TFB1M: variants seen among roughly 807,000 people sequenced by gnomAD.
The protein encoded by TFB1M is transcription factor B1, mitochondrial, also known as dimethyladenosine transferase 1, mitochondrial.
In TFB1M, 27 loss-of-function variants were observed where a neutral mutation model predicts 31.1. The observed-to-expected ratio is 0.87, with a 90% CI of 0.64 to 1.20. The LOEUF is 1.20. Among genes scored for constraint, TFB1M ranks in the 50% most tolerant of loss-of-function variants. The pLI is 0.00. For missense variants in TFB1M, 394 were observed against 418.7 expected, an observed-to-expected ratio of 0.94 and a Z score of 0.51; for synonymous variants, 166 against 151.8, an observed-to-expected ratio of 1.09 and a Z score of -0.69.
At chr6:155,290,888 C>T (rs889637062) in intron 4 of TFB1M, among the ~76,000 whole-genome samples, 1 of 152,138 alleles carries the variant, frequency 6.6e-6, no homozygotes, top group African/African-American at 2.4e-5. Context: ...GAGTAATCGG[C>T]ATGTCTTGCT....
chr6:155,254,448 A>C (rs1783875528), downstream of TFB1M: 3 of 1,613,972 alleles, frequency 1.9e-6, no homozygotes, highest in Non-Finnish European at 1.7e-6. Flanking sequence ...AACATTGTTA[A>C]GGTGATTCGT....
At chr6:155,253,441 A>G (rs1018607531), downstream of TFB1M, 1 of 184,170 alleles carries the variant, frequency 5.4e-6, no homozygotes, top group Admixed American at 5.7e-5. Flanking sequence ...AAAGAAAAAA[A>G]TCTTTGACTC....
the TFB1M span, among the ~76,000 whole-genome samples, chr6:155,248,866 G>T: frequency 6.6e-6 from 1 of 152,242 alleles, no homozygotes; most frequent in South Asian, 2.1e-4. Flanking sequence ...AAATTTATGG[G>T]GAGAGAGAGG....
chr6:155,250,770 A>G, the TFB1M span: 21 of 1,116,128 alleles, frequency 1.9e-5, no homozygotes, highest in African/African-American at 2.2e-4. Context: ...CCACCGTTTA[A>G]GGCCCCATGT....
Position 155,285,325 on chromosome 6 carries a change from A to C in TFB1M, c.547-48T>G, listed in dbSNP as rs373807270. 3 of 1,609,772 alleles carry C rather than the reference A, an allele frequency of 1.9e-6. No homozygotes were observed. In the African/African-American group the frequency reaches 4.0e-5, roughly 22 times the overall value. On this transcript the variant is annotated intron_variant, in intron 4 of 6. Transcript: ENST00000367166. ...TTTAGCAAATAATTAGTCCAGCCTG[A>C]TTAGATGAAAAAGAGTCAACATTCC...
chr6:155,272,726 A>G (rs1444261031), intron 5 of TFB1M, among the ~76,000 whole-genome samples: 1 of 152,178 alleles, frequency 6.6e-6, no homozygotes, highest in Non-Finnish European at 1.5e-5. Flanking sequence ...ATGCAGAAAA[A>G]AAAGCATTTG....
chr6:155,280,294 A>T (rs1785435227), intron 5 of TFB1M, among the ~76,000 whole-genome samples: 1 of 152,102 alleles, frequency 6.6e-6, no homozygotes, highest in South Asian at 2.1e-4. Context: ...GCTGGCACTG[A>T]TGGGTGCTAA....
intron 2 of TFB1M, among the ~76,000 whole-genome samples, chr6:155,302,575 G>GT (rs1460163051): frequency 1.3e-5 from 2 of 151,824 alleles, no homozygotes; most frequent in Non-Finnish European, 2.9e-5. Flanking sequence ...AAAAATGTAC[G>GT]TTTTCAGACT....
the TFB1M span, among the ~76,000 whole-genome samples, chr6:155,240,171 CTT>C: frequency 6.6e-6 from 1 of 152,218 alleles, no homozygotes; most frequent in Non-Finnish European, 1.5e-5. Flanking sequence ...GCCATCTGCT[CTT>C]GTTGCTCCCT....
chr6:155,303,578 T>A (rs997734839), intron 2 of TFB1M: 1 of 152,226 alleles, frequency 6.6e-6, no homozygotes, highest in Non-Finnish European at 1.5e-5. Flanking sequence ...GTAAGTTACA[T>A]GTGTAAAGTA....
the TFB1M span, chr6:155,251,079 T>C: frequency 2.7e-6 from 4 of 1,464,186 alleles, no homozygotes; most frequent in Non-Finnish European, 3.8e-6. Flanking sequence ...ACGGAAGAAC[T>C]TCACTAGCCG....
chr6:155,310,388 G>A (rs763847461), intron 2 of TFB1M, among the ~76,000 whole-genome samples: 4 of 152,152 alleles, frequency 2.6e-5, no homozygotes, highest in East Asian at 1.9e-4. Flanking sequence ...GTTTGCCAGC[G>A]TTTTAAAAAA....
chr6:155,314,400 C>G lies in TFB1M; in HGVS notation c.29G>C (p.Cys10Ser), dbSNP rs529019997. The G allele has an allele frequency of 3.1e-6, 5 of 1,614,140 alleles. No individual in the cohort carries two copies. The highest frequency in any genetic ancestry group is 4.2e-6 in the Non-Finnish European group (5 of 1,180,066). The change falls in exon 1 of 7, where the codon TGC (cysteine) becomes TCC (serine). Residue 10 changes from cysteine (C) to serine (S), a missense_variant. Physicochemically the swap from Cys to Ser is moderately radical, Grantham distance 112. Coordinates refer to ENST00000367166, the MANE Select transcript of TFB1M (RefSeq NM_016020.4). ...AATCGTGGGCAACGGAGGGAGACGG[C>G]AAGTGCTGAGTTTTCCGGAGGCAGC... MAASGKLST[C>S]RLPPLPTIRE...
Position 155,262,705 on chromosome 6 carries a change from A to G in TFB1M, c.667-2305T>C, listed in dbSNP as rs188122700. Among the ~76,000 whole-genome samples, 322 of 152,270 alleles carry G rather than the reference A, an allele frequency of 2.1e-3. 1 individual carries two copies. The highest frequency in any genetic ancestry group is 2.9e-3 in the Non-Finnish European group (196 of 68,034). On this transcript the variant is annotated intron_variant, in intron 5 of 6. Transcript: ENST00000367166. ...CTATTAAGACCAAAAGCACAAATAC[A>G]GAGATAGATGCACTCTCTTCCAGTA...
chr6:155,310,441 C>T (rs538963997), intron 2 of TFB1M, among the ~76,000 whole-genome samples: 17 of 152,280 alleles, frequency 1.1e-4, no homozygotes, highest in Non-Finnish European at 2.4e-4. Context: ...CTGCCTCCCT[C>T]AATTTCCATC....
At chr6:155,312,357 T>C (rs1003894117) in intron 1 of TFB1M, among the ~76,000 whole-genome samples, 5 of 152,232 alleles carry the variant, frequency 3.3e-5, no homozygotes, top group Non-Finnish European at 7.3e-5. Flanking sequence ...AATCCTTACA[T>C]GTTAACCAAG....
At chr6:155,258,847 A>G (rs1418890556) in intron 6 of TFB1M, among the ~76,000 whole-genome samples, 1 of 152,124 alleles carries the variant, frequency 6.6e-6, no homozygotes, top group Non-Finnish European at 1.5e-5. Flanking sequence ...TGTCCCCCAC[A>G]CTTTCAGGGT....
intron 4 of TFB1M, among the ~76,000 whole-genome samples, chr6:155,286,581 ATATG>A (rs199698027): frequency 0.01 from 1,500 of 147,030 alleles, 19 homozygotes; most frequent in Non-Finnish European, 0.014. Flanking sequence ...ATACATGTGT[ATATG>A]TATATGTGTG....
the TFB1M span, chr6:155,250,459 A>G: frequency 8.3e-7 from 1 of 1,203,942 alleles, no homozygotes. Flanking sequence ...TAGTTTAGGG[A>G]GAAAATGGCA....
Sources: allele counts gnomAD v4.1 joint callset (sites outside exome capture counted in the v4.1 genomes callset), GRCh38; gene constraint gnomAD v4.1.1; transcripts MANE v1.5; gene names NCBI Gene and HGNC (gene_info 2026-07-23, HGNC 2026-07-21).